The following ADAMTS7 variants were observed in gnomAD, a reference collection of about 807,000 sequenced individuals.
ADAMTS7 encodes the protein A disintegrin and metalloproteinase with thrombospondin motifs 7.
Under a neutral mutation model 172.6 loss-of-function variants are expected in ADAMTS7, and 89 were observed. The ratio of observed to expected loss-of-function variants is 0.52; its 90% confidence interval spans 0.43 to 0.61. ADAMTS7 has a LOEUF of 0.61. Among genes scored for constraint, ADAMTS7 ranks in the 20% least tolerant of loss-of-function variants. The pLI, the probability that ADAMTS7 is intolerant of heterozygous loss-of-function variation, is 0.00. For synonymous variants in ADAMTS7, 885 were observed against 978.4 expected (o/e 0.90, Z 1.78); for missense variants, 1,973 against 2,355.6 (o/e 0.84, Z 3.36).
Position 78,797,977 on chromosome 15 carries a change from G to T in ADAMTS7, c.593C>A (p.Ser198Tyr), listed in dbSNP as rs761468204. 36 of 1,598,366 alleles carry T rather than the reference G, an allele frequency of 2.3e-5. No homozygotes were observed. The South Asian group carries it at 3.8e-4, about 17-fold the overall frequency. The change falls in exon 3 of 24, where the codon TCC becomes TAC. Residue 198 changes from serine (S) to tyrosine (Y), a missense_variant. Ser to Tyr is a moderately radical substitution (Grantham distance 144). Around this residue, in one of 8 missense-constraint regions of ADAMTS7, gnomAD observed 306 missense variants for 288.0 expected, o/e 1.06. Coordinates refer to ENST00000388820, the MANE Select transcript of ADAMTS7 (RefSeq NM_014272.5). ...APERLAQRGD[S>Y]SAPSTCGVQV... is the part of the protein sequence containing the mutation. ...CACTCCACAGGTGCTTGGAGCACTG[G>T]AATCACCCCGCTGTGCCAGCCTCTC...
chr15:78,779,005 G>C (rs1045619010), intron 8 of ADAMTS7, among the ~76,000 whole-genome samples: 3 of 152,144 alleles, frequency 2.0e-5, no homozygotes, highest in African/African-American at 7.2e-5. Flanking sequence ...AGAGGAGGGG[G>C]CCTGGCAGCT....
Position 78,766,377 on chromosome 15 carries a change from C to T in ADAMTS7, c.3534G>A (p.Arg1178=). The change falls in exon 19 of 24, where the codon AGG becomes AGA. Residue 1178 remains arginine, a synonymous_variant. Transcript: ENST00000388820. Reference sequence around the variant, plus strand: ...GTGTCTGCAGGCCATCAGTGGAAACCCTGGGCCAGGACAGGCTGGGGAGCC... The same window carrying T: ...GTGTCTGCAGGCCATCAGTGGAAACTCTGGGCCAGGACAGGCTGGGGAGCC... ...DLGLPSLSWP[R]VSTDGLQTPA... The T allele has an allele frequency of 6.2e-7, 1 of 1,609,944 alleles. No homozygotes were observed. Among genetic ancestry groups the T allele is most frequent in the African/African-American group, 1.3e-5 (1 of 74,928 alleles).
At chr15:78,778,865 G>GA (rs1333562255) in intron 8 of ADAMTS7, among the ~76,000 whole-genome samples, 1 of 152,160 alleles carries the variant, frequency 6.6e-6, no homozygotes, top group Non-Finnish European at 1.5e-5. Context: ...GAGAGAAAGA[G>GA]ACACTCCGAG....
chr15:78,782,136 A>G (rs565853435), intron 8 of ADAMTS7, among the ~76,000 whole-genome samples: 1 of 152,046 alleles, frequency 6.6e-6, no homozygotes, highest in East Asian at 1.9e-4. Context: ...GGTTCAAGCA[A>G]TTCTCCTGCC....
At chr15:78,788,907 A>G (rs1218482430) in intron 7 of ADAMTS7, among the ~76,000 whole-genome samples, 7 of 152,218 alleles carry the variant, frequency 4.6e-5, no homozygotes, top group African/African-American at 1.4e-4. Flanking sequence ...TCAGAAACAC[A>G]ATCTCACTCA....
Position 78,768,145 on chromosome 15 carries a change from G to A in ADAMTS7, c.2633C>T (p.Pro878Leu), listed in dbSNP as rs1319216120. ...GGGGCGGGCTCACCTGGCAGGGCAG[G>A]GCTGCTCGCTGCACTTCCTCTGTTG... is the stretch of plus-strand genomic sequence containing the variant. The part of the protein sequence containing the change: ...DDQQRKCSEQ[P>L]CPARWWAGEW... Residue 878 changes from proline (P) to leucine (L), a missense_variant, in exon 17 of 24, where the codon CCC becomes CTC. This residue lies in a region of ADAMTS7 where 771 missense variants were observed against 952.6 expected (regional missense o/e 0.81). Transcript: ENST00000388820. 6.9e-6 allele frequency: 11 copies of A among 1,594,666 alleles called. No homozygotes were observed. The highest frequency in any genetic ancestry group is 2.3e-4 in the Middle Eastern group (1 of 4,408).
chr15:78,791,238 G>A lies in ADAMTS7; in HGVS notation c.820-15C>T. ...AGGCCAGCCACCTGCCCAAGAGATG[G>A]GGGGGTCAGGTTGTCACGAGGATGA... is the stretch of plus-strand genomic sequence containing the variant. On this transcript the variant is annotated splice_polypyrimidine_tract_variant and intron_variant, in intron 4 of 23. Transcript: ENST00000388820. The A allele has an allele frequency of 1.2e-6, 2 of 1,609,668 alleles. No homozygotes were observed. Among genetic ancestry groups the A allele is most frequent in the Non-Finnish European group, 1.7e-6 (2 of 1,177,830 alleles).
rs375248351 is a variant in ADAMTS7 at position 78,811,210 on chromosome 15, C to T, written c.11G>A (p.Gly4Asp). The part of the protein sequence containing the change: MPG[G>D]PSPRSPAPLL... ...AGGCGCGGGGCTGCGGGGACTGGGG[C>T]CGCCGGGCATGGCAGGAACCGGGCG... Residue 4 changes from glycine (G) to aspartate (D), a missense_variant, in exon 1 of 24, where the codon GGC becomes GAC. By Grantham distance (94) the Gly-to-Asp change is moderately conservative (BLOSUM62 -1). This residue lies in a region of ADAMTS7 where 306 missense variants were observed against 288.0 expected (regional missense o/e 1.06). Transcript: ENST00000388820. 7 of 1,228,336 alleles carry T rather than the reference C, an allele frequency of 5.7e-6. No homozygotes were observed. Among genetic ancestry groups the T allele is most frequent in the East Asian group, 3.2e-5 (1 of 31,508 alleles). The allele number at this position is 1,228,336 out of a possible 1,614,324, so 76.1% of individuals were successfully genotyped here. A position where few individuals can be genotyped will look rare whatever the true frequency, so the allele number is the denominator to read the frequency against.
In ADAMTS7 at chr15:78,797,935, CAGA is replaced by C. The variant is rs746699074; in HGVS notation, c.622+10_622+12del. 15 of 1,593,092 alleles carry C rather than the reference CAGA, an allele frequency of 9.4e-6. No individual in the cohort carries two copies. The highest frequency in any genetic ancestry group is 1.3e-5 in the Non-Finnish European group (15 of 1,173,404). ...CCAGCACCCACCCGAGAACTGGGAG[CAGA>C]AGAGCATACCTTGCACTCCACAGGT... On this transcript the variant is annotated intron_variant, in intron 3 of 23. Transcript: ENST00000388820.
Position 78,789,844 on chromosome 15 carries a change from C to T in ADAMTS7, c.1029-6G>A, listed in dbSNP as rs760947474. 3.8e-6 allele frequency: 6 copies of T among 1,580,116 alleles called. No homozygotes were observed. Among genetic ancestry groups the T allele is most frequent in the Non-Finnish European group, 5.2e-6 (6 of 1,163,198 alleles). ...TGGCTGCACACAGGTCCTTTCTGCA[C>T]AGGCAAAGAAGCAGCCTTCAGGCTA... On this transcript the variant is annotated splice_polypyrimidine_tract_variant and splice_region_variant and intron_variant, in intron 6 of 23. Coordinates refer to ENST00000388820, the MANE Select transcript of ADAMTS7 (RefSeq NM_014272.5).
intron 16 of ADAMTS7, among the ~76,000 whole-genome samples, chr15:78,768,937 G>A (rs568047853): frequency 1.9e-4 from 29 of 152,328 alleles, no homozygotes; most frequent in African/African-American, 6.0e-4. Context: ...CTTGGGTGAT[G>A]AGGCGGGTGA....
intron 7 of ADAMTS7, among the ~76,000 whole-genome samples, chr15:78,788,660 A>G (rs1742622012): frequency 6.6e-6 from 1 of 152,254 alleles, no homozygotes; most frequent in Admixed American, 6.5e-5. Flanking sequence ...CCAGCCAGCA[A>G]TGGCAAATCA....
chr15:78,775,246 A>G (rs1426853380), intron 11 of ADAMTS7, among the ~76,000 whole-genome samples: 1 of 152,064 alleles, frequency 6.6e-6, no homozygotes, highest in East Asian at 1.9e-4. Context: ...TGGTGGCAGT[A>G]CCCCCAGCCC....
At chr15:78,778,012 C>T (rs2055377057) in intron 8 of ADAMTS7, among the ~76,000 whole-genome samples, 2 of 152,204 alleles carry the variant, frequency 1.3e-5, no homozygotes, top group Admixed American at 1.3e-4. Flanking sequence ...CCTCCGACGG[C>T]CCCACCCAGG....
intron 8 of ADAMTS7, among the ~76,000 whole-genome samples, chr15:78,781,197 T>G (rs576910272): frequency 6.6e-6 from 1 of 152,312 alleles, no homozygotes; most frequent in African/African-American, 2.4e-5. Context: ...TTTGGCACTT[T>G]CGGTGAATCT....
chr15:78,781,860 T>C (rs113215507), intron 8 of ADAMTS7, among the ~76,000 whole-genome samples: 38 of 151,198 alleles, frequency 2.5e-4, no homozygotes, highest in East Asian at 5.9e-4. Context: ...TAGTAATGAG[T>C]GTGCGTGAAA....
chr15:78,808,954 A>G (rs2055831108), intron 1 of ADAMTS7, among the ~76,000 whole-genome samples: 1 of 152,218 alleles, frequency 6.6e-6, no homozygotes, highest in Admixed American at 6.5e-5. Context: ...AGAAATGCCA[A>G]GATGGTGTTT....
Position 78,763,907 on chromosome 15 carries a change from C to T in ADAMTS7, c.4593+19G>A. The T allele has an allele frequency of 1.3e-6, 2 of 1,557,630 alleles. No individual in the cohort carries two copies. The highest frequency in any genetic ancestry group is 1.7e-6 in the Non-Finnish European group (2 of 1,153,208). On this transcript the variant is annotated intron_variant, in intron 21 of 23. Transcript: ENST00000388820. ...GTCTGAGGGCGTCCCCTCCCCCCAACTCAACGGCCAGGCCTCACCTCCCTC... is the reference window on the plus strand; with the variant it reads ...GTCTGAGGGCGTCCCCTCCCCCCAATTCAACGGCCAGGCCTCACCTCCCTC...
At chr15:78,767,694 G>C in intron 17 of ADAMTS7, 102 bp from the exon 18 acceptor site, 2 of 1,095,522 alleles carry the variant, frequency 1.8e-6, no homozygotes, top group Non-Finnish European at 2.6e-6. Flanking sequence ...CTCGGCATTT[G>C]GGTAGAGCTG....
Sources: allele counts gnomAD v4.1 joint callset (sites outside exome capture counted in the v4.1 genomes callset), GRCh38; gene constraint gnomAD v4.1.1; regional missense constraint gnomAD v4.1.1; transcripts MANE v1.5; gene names NCBI Gene and HGNC (gene_info 2026-07-23, HGNC 2026-07-21).